DLG2: variants seen among roughly 807,000 people sequenced by gnomAD.
DLG2 encodes disks large homolog 2.
Under a neutral mutation model 132.5 loss-of-function variants are expected in DLG2, and 45 were observed. That is an observed-to-expected ratio of 0.34 (90% CI 0.27 to 0.44). The LOEUF (loss-of-function observed/expected upper bound fraction) is 0.44. Among genes scored for constraint, DLG2 ranks in the 20% least tolerant of loss-of-function variants. The probability of loss-of-function intolerance (pLI) is 1.00; values close to 1 mark genes in which losing one functional copy is unlikely to be tolerated. For missense variants in DLG2, 1,045 were observed against 1,196.9 expected (o/e 0.87, Z 1.87); for synonymous variants, 424 against 419.6 (o/e 1.01, Z -0.13).
chr11:84,278,154 C>T lies in DLG2; in HGVS notation c.520-26863G>A, dbSNP rs1205488247. On this transcript the variant is annotated intron_variant, in intron 7 of 27. Transcript: ENST00000376104. ...CCTCCAGCCTCAGTTTCTCAAAGTG[C>T]TAGGATTATAAAACATGAGCCACTG... Among the ~76,000 whole-genome samples, 3 of 147,986 alleles carry T rather than the reference C, an allele frequency of 2.0e-5. No individual in the cohort carries two copies. In the East Asian group the frequency reaches 6.2e-4, roughly 30 times the overall value.
chr11:85,383,589 C>A (rs1049545632), intron 3 of DLG2, among the ~76,000 whole-genome samples: 7 of 152,112 alleles, frequency 4.6e-5, no homozygotes, highest in African/African-American at 1.7e-4. Context: ...CGGAGTTTTG[C>A]AAATATTAGC....
At chr11:84,359,716 A>G (rs1284399654) in intron 7 of DLG2, among the ~76,000 whole-genome samples, 1 of 151,826 alleles carries the variant, frequency 6.6e-6, no homozygotes, top group Admixed American at 6.6e-5. Flanking sequence ...CCTATCAATG[A>G]GTGAGGGATA....
intron 6 of DLG2, among the ~76,000 whole-genome samples, chr11:84,749,367 A>G (rs2065808644): frequency 6.6e-6 from 1 of 152,204 alleles, no homozygotes; most frequent in African/African-American, 2.4e-5. Context: ...AAATGTTATC[A>G]TGTGCTGCCA....
chr11:84,524,117 A>C (rs2099312929), intron 7 of DLG2, among the ~76,000 whole-genome samples: 1 of 152,174 alleles, frequency 6.6e-6, no homozygotes, highest in Non-Finnish European at 1.5e-5. Context: ...TTAAAAAAAA[A>C]CTGCAAAAAA....
Position 83,567,897 on chromosome 11 carries a change from G to A in DLG2, c.1941-26039C>T, listed in dbSNP as rs377669031. Reference sequence around the variant, plus strand: ...TGAGAATGTCAAAAACTGAAGAATTGAAGAGAAGCAGTAAAAGCTAGATTA... The same window carrying A: ...TGAGAATGTCAAAAACTGAAGAATTAAAGAGAAGCAGTAAAAGCTAGATTA... On this transcript the variant is annotated intron_variant, in intron 19 of 27. Coordinates refer to ENST00000376104, the MANE Select transcript of DLG2 (RefSeq NM_001142699.3). Among the ~76,000 whole-genome samples the A allele has an allele frequency of 1.5e-3, 236 of 152,270 alleles. 2 individuals are homozygous for A. In the Middle Eastern group the frequency reaches 0.017, roughly 11 times the overall value.
At chr11:84,990,121 G>A (rs772781761) in intron 6 of DLG2, among the ~76,000 whole-genome samples, 25 of 152,142 alleles carry the variant, frequency 1.6e-4, no homozygotes, top group Non-Finnish European at 3.4e-4. Context: ...TTGTATCCAC[G>A]ATATGTGAAG....
chr11:85,412,760 C>CACACACACACACACACACAT (rs756868795), intron 3 of DLG2, among the ~76,000 whole-genome samples: 1 of 113,244 alleles, frequency 8.8e-6, no homozygotes, highest in Admixed American at 9.2e-5. Flanking sequence ...CACACACACA[C>CACACACACACACACACACAT]ATATATATAT....
chr11:84,842,153 A>G (rs2080779394), intron 6 of DLG2, among the ~76,000 whole-genome samples: 3 of 152,004 alleles, frequency 2.0e-5, no homozygotes, highest in African/African-American at 7.2e-5. Flanking sequence ...CATGAGATCA[A>G]GAGGGACTAT....
intron 3 of DLG2, among the ~76,000 whole-genome samples, chr11:85,540,938 A>T (rs890638274): frequency 6.6e-6 from 1 of 152,240 alleles, no homozygotes; most frequent in Non-Finnish European, 1.5e-5. Flanking sequence ...AATAGTTGGA[A>T]AACAACTTTT....
chr11:85,115,347 T>C (rs1198764220), intron 5 of DLG2, among the ~76,000 whole-genome samples: 1 of 151,954 alleles, frequency 6.6e-6, no homozygotes, highest in Non-Finnish European at 1.5e-5. Context: ...ATTCATGTAG[T>C]TGGTCAACAA....
At chr11:84,626,253 A>G (rs922200292) in intron 6 of DLG2, among the ~76,000 whole-genome samples, 8 of 152,092 alleles carry the variant, frequency 5.3e-5, no homozygotes, top group Non-Finnish European at 8.8e-5. Context: ...GAAGCACACC[A>G]TTTTCTGTGA....
At chr11:84,194,407 G>C (rs773693122) in intron 8 of DLG2, among the ~76,000 whole-genome samples, 2 of 152,116 alleles carry the variant, frequency 1.3e-5, no homozygotes, top group Non-Finnish European at 2.9e-5. Flanking sequence ...AGACCTTCAT[G>C]GTGAGTGTTA....
chr11:85,220,337 C>G (rs2074550089), intron 4 of DLG2, among the ~76,000 whole-genome samples: 1 of 151,760 alleles, frequency 6.6e-6, no homozygotes, highest in Admixed American at 6.6e-5. Flanking sequence ...AGGAGTTAGC[C>G]TTGTGGATAT....
intron 15 of DLG2, among the ~76,000 whole-genome samples, chr11:83,906,814 C>T (rs1289828162): frequency 1.3e-5 from 2 of 152,118 alleles, no homozygotes; most frequent in African/African-American, 4.8e-5. Flanking sequence ...AAAAATATCC[C>T]CTGTCAGTAT....
At chr11:85,256,447 T>C (rs1394821478) in intron 4 of DLG2, among the ~76,000 whole-genome samples, 1 of 152,118 alleles carries the variant, frequency 6.6e-6, no homozygotes, top group Non-Finnish European at 1.5e-5. Flanking sequence ...GATTCTTCCT[T>C]GATGATGGAT....
chr11:83,628,476 C>T (rs1566131817), intron 19 of DLG2, among the ~76,000 whole-genome samples: 1 of 152,122 alleles, frequency 6.6e-6, no homozygotes, highest in Non-Finnish European at 1.5e-5. Context: ...TGTTGTCTAG[C>T]TGTGGGATCG....
intron 19 of DLG2, among the ~76,000 whole-genome samples, chr11:83,611,363 G>A (rs2060088515): frequency 6.6e-6 from 1 of 152,112 alleles, no homozygotes; most frequent in Admixed American, 6.5e-5. Flanking sequence ...TCTGTAGGAG[G>A]CCATGCTGTT....
intron 6 of DLG2, among the ~76,000 whole-genome samples, chr11:84,965,595 T>C (rs1228280746): frequency 6.6e-6 from 1 of 152,158 alleles, no homozygotes; most frequent in Admixed American, 6.6e-5. Flanking sequence ...TGTTAACTTC[T>C]ATTTCTTCTC....
chr11:84,298,560 GA>G (rs2098118685), intron 7 of DLG2, among the ~76,000 whole-genome samples: 1 of 152,206 alleles, frequency 6.6e-6, no homozygotes. Flanking sequence ...TAAAGTTACA[GA>G]AATAAATAAG....
Sources: gnomAD v4.1 joint callset for allele counts (sites outside exome capture counted in the v4.1 genomes callset) on GRCh38, gnomAD v4.1.1 for gene constraint, MANE v1.5 for transcripts, NCBI Gene and HGNC (gene_info 2026-07-23, HGNC 2026-07-21) for gene names.